Variants in LRP1B observed in about 807,000 individuals in gnomAD.
The protein encoded by LRP1B is low-density lipoprotein receptor-related protein 1B.
In LRP1B, 217 loss-of-function variants were observed where a neutral mutation model predicts 556.6. The observed-to-expected ratio is 0.39, with a 90% CI of 0.35 to 0.44. LRP1B has a LOEUF of 0.44. LRP1B is among the 20% of genes least tolerant of loss of function. The pLI is 1.00. For synonymous variants in LRP1B, 2,047 were observed against 1,865.8 expected (o/e 1.10, Z -2.50); for missense variants, 5,053 against 5,620.8 (o/e 0.90, Z 3.23).
At chr2:141,455,345 G>T (rs1029055879) in intron 3 of LRP1B, among the ~76,000 whole-genome samples, 2 of 151,736 alleles carry the variant, frequency 1.3e-5, no homozygotes, top group Admixed American at 1.3e-4. Context: ...CCTGTTTAAT[G>T]GATGAATGCA....
rs1021565069 is a variant in LRP1B, at chr2:141,206,529, G to A, written c.851-17946C>T. Among the ~76,000 whole-genome samples the A allele has an allele frequency of 3.3e-5, 5 of 152,044 alleles. No individual in the cohort carries two copies. The South Asian group carries it at 6.2e-4, about 19-fold the overall frequency. On this transcript the variant is annotated intron_variant, in intron 6 of 90. Transcript: ENST00000389484. ...GTAAATACAGGAGGCGGAGCTTGCA[G>A]TGAGCCGAGATCGTGCCACTGCACT... is the stretch of plus-strand genomic sequence containing the variant.
At chr2:141,892,896 T>G (rs908804557) in intron 1 of LRP1B, among the ~76,000 whole-genome samples, 3 of 152,198 alleles carry the variant, frequency 2.0e-5, no homozygotes, top group Admixed American at 2.0e-4. Context: ...ACCACCACTT[T>G]GACATGACAA....
At chr2:140,549,394 C>G (rs1680463003) in intron 43 of LRP1B, among the ~76,000 whole-genome samples, 1 of 152,110 alleles carries the variant, frequency 6.6e-6, no homozygotes, top group South Asian at 2.1e-4. Context: ...TTCTACCTTA[C>G]AAATTGGTAT....
intron 3 of LRP1B, among the ~76,000 whole-genome samples, chr2:141,375,161 T>C (rs1050717780): frequency 6.6e-6 from 1 of 152,174 alleles, no homozygotes; most frequent in African/African-American, 2.4e-5. Flanking sequence ...GTAGTGTCTG[T>C]GATTTTCTCA....
At chr2:141,326,547 G>T (rs553572776) in intron 3 of LRP1B, among the ~76,000 whole-genome samples, 1 of 152,234 alleles carries the variant, frequency 6.6e-6, no homozygotes, top group African/African-American at 2.4e-5. Context: ...AATGCAGTAG[G>T]CAAATCAGGT....
chr2:140,752,535 G>A (rs1298254362), intron 35 of LRP1B, among the ~76,000 whole-genome samples: 1 of 151,986 alleles, frequency 6.6e-6, no homozygotes, highest in Non-Finnish European at 1.5e-5. Context: ...ATATTGGCCA[G>A]GCTGGTCTCA....
chr2:140,785,837 A>T (rs1689878874), intron 32 of LRP1B, among the ~76,000 whole-genome samples: 1 of 151,976 alleles, frequency 6.6e-6, no homozygotes, highest in Admixed American at 6.6e-5. Context: ...AATGGTACCC[A>T]CTCAGTCATC....
intron 1 of LRP1B, among the ~76,000 whole-genome samples, chr2:141,990,206 G>A (rs1054674222): frequency 2.6e-5 from 4 of 151,934 alleles, no homozygotes; most frequent in African/African-American, 9.7e-5. Context: ...CTACATTTCA[G>A]CAATTAGAAG....
At chr2:141,453,971 C>T (rs191896255) in intron 3 of LRP1B, among the ~76,000 whole-genome samples, 1 of 151,774 alleles carries the variant, frequency 6.6e-6, no homozygotes, top group Non-Finnish European at 1.5e-5. Context: ...TGGTATCTAT[C>T]ACCTCATCCA....
chr2:141,051,407 A>C (rs754010263), intron 10 of LRP1B, among the ~76,000 whole-genome samples: 1 of 152,164 alleles, frequency 6.6e-6, no homozygotes, highest in African/African-American at 2.4e-5. Context: ...CTGGATAAAG[A>C]AAATGTGGAA....
At chr2:140,343,734 T>G (rs1034050944) in intron 77 of LRP1B, among the ~76,000 whole-genome samples, 16 of 151,632 alleles carry the variant, frequency 1.1e-4, no homozygotes, top group Non-Finnish European at 2.2e-4. Flanking sequence ...TGATGGTATA[T>G]CCACGTAACA....
intron 3 of LRP1B, among the ~76,000 whole-genome samples, chr2:141,400,149 T>TA (rs934194873): frequency 2.6e-5 from 4 of 151,268 alleles, no homozygotes; most frequent in South Asian, 4.2e-4. Flanking sequence ...ACTGGCTAGT[T>TA]AAAAAAAAAT....
At chr2:140,608,962 A>G (rs1003913582) in intron 41 of LRP1B, among the ~76,000 whole-genome samples, 1 of 152,188 alleles carries the variant, frequency 6.6e-6, no homozygotes, top group Non-Finnish European at 1.5e-5. Context: ...TGTCTCAAGA[A>G]TTGCCTCTAT....
intron 85 of LRP1B, among the ~76,000 whole-genome samples, chr2:140,272,258 A>ACACAC (rs1682494421): frequency 3.1e-4 from 46 of 149,320 alleles, no homozygotes; most frequent in African/African-American, 9.9e-4. Context: ...TGCACACACA[A>ACACAC]ACACACACAC....
intron 43 of LRP1B, among the ~76,000 whole-genome samples, chr2:140,575,569 A>C (rs1468275999): frequency 6.6e-6 from 1 of 152,122 alleles, no homozygotes; most frequent in Non-Finnish European, 1.5e-5. Flanking sequence ...ATTCTCTGTG[A>C]ATTTTAATAA....
chr2:140,520,406 G>A (rs781423538), intron 49 of LRP1B, among the ~76,000 whole-genome samples: 42 of 152,086 alleles, frequency 2.8e-4, no homozygotes, highest in Non-Finnish European at 5.1e-4. Context: ...ATTGAACAAT[G>A]AGAACACTTG....
chr2:141,696,281 T>TA (rs1255252700), intron 2 of LRP1B, among the ~76,000 whole-genome samples: 1 of 151,956 alleles, frequency 6.6e-6, no homozygotes, highest in African/African-American at 2.4e-5. Context: ...TTTTGACATT[T>TA]AAAATACAAA....
chr2:141,085,110 T>C (rs961698419), intron 7 of LRP1B, among the ~76,000 whole-genome samples: 6 of 123,284 alleles, frequency 4.9e-5, no homozygotes, highest in Non-Finnish European at 6.3e-5. Context: ...AGAGAGAAGG[T>C]AGGGAGAGGT....
chr2:142,126,973 T>A (rs1442574447), intron 1 of LRP1B, among the ~76,000 whole-genome samples: 1 of 151,826 alleles, frequency 6.6e-6, no homozygotes, highest in Non-Finnish European at 1.5e-5. Context: ...GCAAACTAAG[T>A]ATTTCTGCAT....
Sources: allele counts gnomAD v4.1 joint callset (sites outside exome capture counted in the v4.1 genomes callset), GRCh38; gene constraint gnomAD v4.1.1; transcripts MANE v1.5; gene names NCBI Gene and HGNC (gene_info 2026-07-23, HGNC 2026-07-21).